Variants in SPATA31C1 observed in about 807,000 individuals in gnomAD.
SPATA31C1 encodes spermatogenesis-associated protein 31C1.
At chr9:87,920,169 G>A (rs1229474346) in intron 4 of SPATA31C1, 83 bp from the exon 4 acceptor site, 1 of 1,602,382 alleles carries the variant, frequency 6.2e-7, no homozygotes, top group African/African-American at 1.3e-5. Context: ...TGGCGTGGTG[G>A]AGGGGCTGTG....
chr9:87,917,006 G>A (rs1194393103), intron 1 of SPATA31C1, among the ~76,000 whole-genome samples: 2 of 104,800 alleles, frequency 1.9e-5, no homozygotes, highest in African/African-American at 3.4e-5. Flanking sequence ...CAAAAAGAAA[G>A]GAAAACTGCA....
chr9:87,922,396 G>A (rs1242565749), exon 5 of SPATA31C1: 18 of 1,610,192 alleles, frequency 1.1e-5, no homozygotes, highest in African/African-American at 4.0e-5. Flanking sequence ...GAGGATGTGC[G>A]TGGTTTCAAG....
exon 5 of SPATA31C1, chr9:87,923,039 A>C: frequency 6.3e-7 from 1 of 1,597,792 alleles, no homozygotes; most frequent in East Asian, 2.3e-5. Flanking sequence ...GCCAAAAAAC[A>C]GTAAAAAACA....
chr9:87,921,355 C>T, exon 5 of SPATA31C1: 2 of 1,611,856 alleles, frequency 1.2e-6, no homozygotes, highest in East Asian at 4.5e-5. Context: ...GATGAATTGC[C>T]AGGGACAAGT....
chr9:87,919,545 G>T (rs892982272), intron 3 of SPATA31C1, among the ~76,000 whole-genome samples, 197 bp downstream of exon 2: 1 of 98,166 alleles, frequency 1.0e-5, no homozygotes, highest in African/African-American at 4.0e-5. Context: ...CCAGCAGGGG[G>T]CAGTGTGTGT....
exon 5 of SPATA31C1, chr9:87,920,791 C>T (rs371544338): frequency 9.7e-5 from 157 of 1,613,786 alleles, no homozygotes; most frequent in Middle Eastern, 4.9e-4. Context: ...CTCTCCTGGT[C>T]GCAGGAGACT....
At position 87,916,946 on chromosome 9, in the gene SPATA31C1, A is replaced by G. The variant is rs1397270995; in HGVS notation, n.190-901A>G. On this transcript the variant is annotated intron_variant and non_coding_transcript_variant, in intron 1 of 4. Transcript: ENST00000420021. ...CAGGACGCACAGGTTGCAGTGAGCC[A>G]AGAGCGTGCCACTGCACTCCAGCCT... is the stretch of plus-strand genomic sequence containing the variant. Among the ~76,000 whole-genome samples, 3 of 65,960 alleles carry G rather than the reference A, an allele frequency of 4.5e-5. 1 individual carries two copies. Among genetic ancestry groups the G allele is most frequent in the Admixed American group, 3.2e-4 (2 of 6,348 alleles). The allele number at this position is 65,960 out of a possible 152,430, so 43.3% of individuals were successfully genotyped here. A position where few individuals can be genotyped will look rare whatever the true frequency, so the allele number is the denominator to read the frequency against.
At position 87,920,879 on chromosome 9, in the gene SPATA31C1, A is replaced by G. The variant is rs143954100; in HGVS notation, n.1269A>G. 2.8e-4 allele frequency: 447 copies of G among 1,613,394 alleles called. 1 individual carries two copies. The African/African-American group carries it at 5.5e-3, about 20-fold the overall frequency. ...GCCAAAGGGACACCACAATGTCCCC[A>G]CTGCTTTTCCAGGCCCAGCCCCTGT... On this transcript the variant is annotated non_coding_transcript_exon_variant, in exon 5 of 5. Transcript: ENST00000420021.
intron 2 of SPATA31C1, 183 bp from the exon 2 acceptor site, chr9:87,919,072 C>A (rs756602540): frequency 1.0e-6 from 1 of 1,004,398 alleles, no homozygotes; most frequent in Non-Finnish European, 1.5e-6. Context: ...ACCCGACCCC[C>A]TCTTCCTGTT....
rs1828857971 is a variant in SPATA31C1 at position 87,921,285 on chromosome 9, G to A, written n.1675G>A. The A allele has an allele frequency of 3.7e-6, 6 of 1,611,864 alleles. No individual in the cohort carries two copies. In the African/African-American group the frequency reaches 6.7e-5, roughly 18 times the overall value. On this transcript the variant is annotated non_coding_transcript_exon_variant, in exon 5 of 5. Transcript: ENST00000420021. ...CAGTCCTGAACTCTGGAGACAACTG[G>A]AGCAATACATGGGGCAACGTGGAAG...
At chr9:87,922,971 T>C (rs918203451) in exon 5 of SPATA31C1, 106 of 1,233,850 alleles carry the variant, frequency 8.6e-5, no homozygotes, top group Non-Finnish European at 1.1e-4. Context: ...CATCAAGCAA[T>C]TTTTTGAGAC....
intron 4 of SPATA31C1, 75 bp from the exon 4 acceptor site, chr9:87,920,177 G>A (rs1023092194): frequency 2.4e-5 from 39 of 1,603,310 alleles, no homozygotes; most frequent in Middle Eastern, 2.1e-4. Flanking sequence ...TGGAGGGGCT[G>A]TGGCCCAAGC....
exon 5 of SPATA31C1, chr9:87,921,982 C>G (rs1417621638): frequency 1.2e-6 from 2 of 1,613,360 alleles, no homozygotes; most frequent in Non-Finnish European, 1.7e-6. Flanking sequence ...ATACAGCTTG[C>G]TGGTCCCTCC....
exon 5 of SPATA31C1, chr9:87,922,158 C>G: frequency 1.2e-6 from 2 of 1,613,326 alleles, no homozygotes; most frequent in Non-Finnish European, 1.7e-6. Context: ...CCAGAGGGCC[C>G]CGCGAGGGAT....
exon 5 of SPATA31C1, chr9:87,922,904 C>T (rs752208303): frequency 7.5e-6 from 12 of 1,604,628 alleles, no homozygotes; most frequent in South Asian, 2.2e-5. Context: ...AGAATGAAGG[C>T]GTCCAGCTAC....
At chr9:87,921,839 T>A (rs747889676) in exon 5 of SPATA31C1, 7 of 1,612,004 alleles carry the variant, frequency 4.3e-6, no homozygotes, top group Non-Finnish European at 5.9e-6. Flanking sequence ...TTTCCTTCCT[T>A]GAGCTGTGTA....
exon 5 of SPATA31C1, chr9:87,923,128 C>T: frequency 6.2e-7 from 1 of 1,603,594 alleles, no homozygotes; most frequent in Non-Finnish European, 8.5e-7. Context: ...GAGAACATGT[C>T]ACTTTGCCAT....
At chr9:87,919,386 C>G in intron 3 of SPATA31C1, 38 bp downstream of exon 2, 1 of 1,599,658 alleles carries the variant, frequency 6.3e-7, no homozygotes. Flanking sequence ...TTAATTTGAT[C>G]TCATCTGTCC....
At chr9:87,921,581 G>C in exon 5 of SPATA31C1, 3 of 1,612,030 alleles carry the variant, frequency 1.9e-6, no homozygotes, top group Non-Finnish European at 2.5e-6. Context: ...GGAACCTGAG[G>C]AAGCCCTTGA....
Sources: gnomAD v4.1 joint callset for allele counts (sites outside exome capture counted in the v4.1 genomes callset) on GRCh38, gnomAD v4.1.1 for gene constraint, MANE v1.5 for transcripts, NCBI Gene and HGNC (gene_info 2026-07-23, HGNC 2026-07-21) for gene names.